Variants in ZC3H12B observed in about 807,000 individuals in gnomAD.
ZC3H12B encodes the protein zinc finger CCCH-type containing 12B.
In ZC3H12B, 7 loss-of-function variants were observed where a neutral mutation model predicts 43.9. The ratio of observed to expected loss-of-function variants is 0.16; its 90% CI spans 0.09 to 0.30. ZC3H12B has a LOEUF of 0.30. Ranked by LOEUF, ZC3H12B falls within the 10% of genes least tolerant of loss-of-function variation. ZC3H12B has a pLI of 1.00. For synonymous variants in ZC3H12B, 222 were observed against 241.7 expected (o/e 0.92, Z 0.76); for missense variants, 475 against 670.2 (o/e 0.71, Z 3.22).
At chrX:65,360,384 C>A in the ZC3H12B span, among the ~76,000 whole-genome samples, 1 of 111,978 alleles carries the variant, frequency 8.9e-6, no homozygotes, top group Non-Finnish European at 1.9e-5. Flanking sequence ...ATTTTAAAAA[C>A]ACAAAATATT....
upstream of ZC3H12B, among the ~76,000 whole-genome samples, chrX:65,365,831 G>T (rs1475863778): frequency 1.8e-5 from 2 of 108,937 alleles, no homozygotes; most frequent in East Asian, 2.9e-4. Flanking sequence ...CTGTCCGCCA[G>T]AGAACAACCC....
At chrX:65,367,447 TTA>T (rs1195584440) in intron 1 of ZC3H12B, among the ~76,000 whole-genome samples, 2 of 111,471 alleles carry the variant, frequency 1.8e-5, no homozygotes, top group Non-Finnish European at 1.9e-5. Flanking sequence ...TAATAGAGAG[TTA>T]TGAGTATATT....
the ZC3H12B span, among the ~76,000 whole-genome samples, chrX:65,133,350 G>T: frequency 9.1e-6 from 1 of 110,395 alleles, no homozygotes; most frequent in East Asian, 2.9e-4. Flanking sequence ...TGTCGGGAGT[G>T]GATTGGGTAA....
At chrX:65,192,277 G>C in the ZC3H12B span, among the ~76,000 whole-genome samples, 1 of 111,690 alleles carries the variant, frequency 9.0e-6, no homozygotes, top group South Asian at 3.8e-4. Flanking sequence ...TGTATATTTT[G>C]TTGATTTGGG....
At chrX:65,071,994 A>T in the ZC3H12B span, among the ~76,000 whole-genome samples, 1 of 111,259 alleles carries the variant, frequency 9.0e-6, no homozygotes. Flanking sequence ...TTGAATATTG[A>T]CCTCCCTAGC....
At chrX:65,249,181 C>T in the ZC3H12B span, among the ~76,000 whole-genome samples, 2 of 111,506 alleles carry the variant, frequency 1.8e-5, no homozygotes, top group East Asian at 5.6e-4. Context: ...AGGGGTTTTT[C>T]AATGTTATCT....
At chrX:65,108,215 A>G in the ZC3H12B span, among the ~76,000 whole-genome samples, 1 of 111,339 alleles carries the variant, frequency 9.0e-6, no homozygotes, top group Admixed American at 9.6e-5. Flanking sequence ...AGGCTACAGA[A>G]AATTTATTTT....
intron 2 of ZC3H12B, among the ~76,000 whole-genome samples, chrX:65,397,883 C>T (rs1205904474): frequency 9.0e-6 from 1 of 111,662 alleles, no homozygotes; most frequent in African/African-American, 3.3e-5. Context: ...TCACAAAACC[C>T]AGAGACTTTA....
the ZC3H12B span, among the ~76,000 whole-genome samples, chrX:65,244,777 A>G: frequency 9.9e-4 from 107 of 107,772 alleles, no homozygotes; most frequent in African/African-American, 3.5e-3. Context: ...TTGAAGTGCT[A>G]TAAAGCAAAT....
At chrX:65,491,901 C>A (rs1054545913) in intron 1 of ZC3H12B, among the ~76,000 whole-genome samples, 1 of 109,578 alleles carries the variant, frequency 9.1e-6, no homozygotes, top group Non-Finnish European at 1.9e-5. Context: ...AAATGGTCTG[C>A]ACACAATACT....
At chrX:65,442,341 T>C (rs1299351493) in intron 3 of ZC3H12B, among the ~76,000 whole-genome samples, 2 of 110,885 alleles carry the variant, frequency 1.8e-5, no homozygotes. Context: ...AAGAGACTCC[T>C]GTAACCGAGC....
chrX:65,444,959 C>CT (rs1460763549), intron 3 of ZC3H12B, among the ~76,000 whole-genome samples: 1 of 111,968 alleles, frequency 8.9e-6, no homozygotes, highest in Non-Finnish European at 1.9e-5. Flanking sequence ...CTCACTAATT[C>CT]TTTTTTCCAC....
chrX:65,213,828 C>G, the ZC3H12B span, among the ~76,000 whole-genome samples: 1 of 108,103 alleles, frequency 9.3e-6, no homozygotes, highest in Non-Finnish European at 1.9e-5. Context: ...TGGTTTCAGA[C>G]CACTGTATTA....
chrX:65,386,651 T>C (rs1321017669), intron 2 of ZC3H12B, among the ~76,000 whole-genome samples: 1 of 111,855 alleles, frequency 8.9e-6, no homozygotes, highest in Non-Finnish European at 1.9e-5. Flanking sequence ...TTCCTTCAGT[T>C]CTGCTCTGAC....
At chrX:65,317,988 T>C in the ZC3H12B span, among the ~76,000 whole-genome samples, 1 of 107,941 alleles carries the variant, frequency 9.3e-6, no homozygotes, top group African/African-American at 3.4e-5. Context: ...AACATGCATG[T>C]GCAAGTATCT....
the ZC3H12B span, among the ~76,000 whole-genome samples, chrX:65,040,588 A>T: frequency 9.1e-6 from 1 of 110,197 alleles, no homozygotes; most frequent in East Asian, 2.8e-4. Context: ...TGAATTTTAG[A>T]TTTTTTTTAT....
chrX:65,348,064 C>T, the ZC3H12B span, among the ~76,000 whole-genome samples: 1 of 108,832 alleles, frequency 9.2e-6, no homozygotes, highest in East Asian at 2.9e-4. Context: ...AGGGGAATAT[C>T]ACACACCGGG....
chrX:65,335,625 C>T, the ZC3H12B span, among the ~76,000 whole-genome samples: 2 of 111,451 alleles, frequency 1.8e-5, no homozygotes, highest in African/African-American at 6.5e-5. Flanking sequence ...AAATGAGAAA[C>T]GACTCATTCC....
rs953601277 is a variant in ZC3H12B at position 65,500,423 on chromosome X, TTTTG to T, written c.1090+450_1090+453del. ...CCTTTAGATCTGTCCTTTCCAGTTT[TTTTG>T]TTTGTTTGTTTGTTTTTTGAGACAA... On this transcript the variant is annotated intron_variant, in intron 4 of 4. Transcript: ENST00000338957. 5.4e-5 allele frequency among the ~76,000 whole-genome samples: 6 copies of T among 112,142 alleles called. No individual in the cohort carries two copies. The South Asian group carries it at 1.1e-3, about 21-fold the overall frequency.
Sources: allele counts gnomAD v4.1 joint callset (sites outside exome capture counted in the v4.1 genomes callset), GRCh38; gene constraint gnomAD v4.1.1; transcripts MANE v1.5; gene names NCBI Gene and HGNC (gene_info 2026-07-23, HGNC 2026-07-21).